STXBP4: variants seen among roughly 807,000 people sequenced by gnomAD.
The protein encoded by STXBP4 is syntaxin-binding protein 4.
In STXBP4, 55 loss-of-function variants were observed where a neutral mutation model predicts 76.1. That is an observed-to-expected ratio of 0.72 (90% CI 0.58 to 0.91). STXBP4 has a LOEUF of 0.91. STXBP4 is among the 40% of genes least tolerant of loss of function. The pLI is 0.00. For missense variants in STXBP4, 618 were observed against 636.9 expected, an observed-to-expected ratio of 0.97 and a Z score of 0.32; for synonymous variants, 201 against 220.2, an observed-to-expected ratio of 0.91 and a Z score of 0.77.
chr17:54,991,429 C>T (rs538874177), intron 4 of STXBP4: 5 of 152,184 alleles, frequency 3.3e-5, no homozygotes, highest in African/African-American at 1.2e-4. Context: ...TCATTAAAAC[C>T]AGAAAATGTC....
the STXBP4 span, among the ~76,000 whole-genome samples, chr17:55,206,733 T>C: frequency 6.6e-6 from 1 of 151,850 alleles, no homozygotes; most frequent in Non-Finnish European, 1.5e-5. Context: ...GGTGGGTGAC[T>C]GTAGTCCCAG....
At chr17:55,040,525 G>A (rs562992923) in intron 10 of STXBP4, among the ~76,000 whole-genome samples, 82 of 152,218 alleles carry the variant, frequency 5.4e-4, no homozygotes, top group African/African-American at 6.7e-4. Flanking sequence ...TGAGATTAGG[G>A]AATATGGCCA....
intron 13 of STXBP4, among the ~76,000 whole-genome samples, chr17:55,075,324 C>T (rs915663700): frequency 6.6e-6 from 1 of 152,082 alleles, no homozygotes; most frequent in Non-Finnish European, 1.5e-5. Context: ...CTTCACTCGA[C>T]ATTTTGTTTT....
intron 16 of STXBP4, among the ~76,000 whole-genome samples, chr17:55,094,493 A>G (rs2079458318): frequency 6.6e-6 from 1 of 152,188 alleles, no homozygotes; most frequent in South Asian, 2.1e-4. Context: ...AACAGCTAAC[A>G]AATATTTATT....
intron 16 of STXBP4, among the ~76,000 whole-genome samples, chr17:55,101,618 G>A (rs897401680): frequency 6.6e-6 from 1 of 152,052 alleles, no homozygotes; most frequent in Non-Finnish European, 1.5e-5. Context: ...TAAGAAAGAG[G>A]GAAATTCACC....
chr17:55,095,972 A>G (rs1284392111), intron 16 of STXBP4, among the ~76,000 whole-genome samples: 1 of 152,144 alleles, frequency 6.6e-6, no homozygotes, highest in Non-Finnish European at 1.5e-5. Context: ...ATGAAATAGC[A>G]TGGTGTGTTA....
chr17:55,116,759 A>G (rs1438305533), intron 16 of STXBP4, among the ~76,000 whole-genome samples: 3 of 151,796 alleles, frequency 2.0e-5, no homozygotes, highest in African/African-American at 7.2e-5. Flanking sequence ...GAAGCCAAAA[A>G]AACTTTGGGC....
chr17:55,064,846 T>C (rs2144837594), intron 12 of STXBP4, among the ~76,000 whole-genome samples: 1 of 152,308 alleles, frequency 6.6e-6, no homozygotes, highest in African/African-American at 2.4e-5. Flanking sequence ...GTCTTTATGA[T>C]TTTTCGTTTT....
At chr17:55,146,894 G>A (rs2080163062) in intron 17 of STXBP4, among the ~76,000 whole-genome samples, 2 of 152,106 alleles carry the variant, frequency 1.3e-5, no homozygotes, top group South Asian at 4.1e-4. Context: ...GGACAGAGAG[G>A]GAGAAAGACA....
In STXBP4 at chr17:55,163,280, G is replaced by A. The variant is rs59318978; in HGVS notation, c.*3369G>A. On this transcript the variant is annotated 3_prime_UTR_variant, in exon 18 of 18. Transcript: ENST00000376352. ...CCTTCCACCAAGTCCAAGAACCTGAGATTTTTAATCATTAGGTTTTAGATT... is the reference window on the plus strand; with the variant it reads ...CCTTCCACCAAGTCCAAGAACCTGAAATTTTTAATCATTAGGTTTTAGATT... 6.7e-6 allele frequency: 1 copy of A among 148,930 alleles called. No individual in the cohort carries two copies. The highest frequency in any genetic ancestry group is 1.5e-5 in the Non-Finnish European group (1 of 67,656). The allele number at this position is 148,930 out of a possible 1,614,324, so 9.2% of individuals were successfully genotyped here.
intron 12 of STXBP4, among the ~76,000 whole-genome samples, chr17:55,065,572 T>C (rs1158314936): frequency 2.0e-5 from 3 of 152,078 alleles, no homozygotes; most frequent in Non-Finnish European, 4.4e-5. Flanking sequence ...TTTCCAATAC[T>C]ATAAATTTTC....
chr17:55,088,950 G>C (rs1347212310), intron 16 of STXBP4, among the ~76,000 whole-genome samples: 1 of 152,182 alleles, frequency 6.6e-6, no homozygotes. Context: ...CTGGAAGGAA[G>C]CAGCAGTTTG....
chr17:55,047,185 CGT>C (rs34336794), intron 12 of STXBP4, 31 bp downstream of exon 12: 54,758 of 792,598 alleles, frequency 0.069, 826 homozygotes, highest in African/African-American at 0.18. Context: ...TATATGTGCT[CGT>C]GTGTGTGTGT....
At chr17:54,987,926 A>G (rs1176800071) in intron 3 of STXBP4, among the ~76,000 whole-genome samples, 2 of 152,164 alleles carry the variant, frequency 1.3e-5, no homozygotes, top group Non-Finnish European at 1.5e-5. Flanking sequence ...CTGCAGTTTT[A>G]ACTTGTAATT....
chr17:55,204,469 T>G, the STXBP4 span, among the ~76,000 whole-genome samples: 1 of 152,126 alleles, frequency 6.6e-6, no homozygotes, highest in Admixed American at 6.6e-5. Context: ...GCCTGCCAGG[T>G]TTTAAAAATT....
rs568135154 is a variant in STXBP4, at chr17:55,146,978, G to A, written c.1547+5611G>A. On this transcript the variant is annotated intron_variant, in intron 17 of 17. Transcript: ENST00000376352. ...CACTTCTGCTATGTGACCAACCCTGGTTCAGTGTAAGAGGCGCCTACCTAA... is the reference window on the plus strand; with the variant it reads ...CACTTCTGCTATGTGACCAACCCTGATTCAGTGTAAGAGGCGCCTACCTAA... Among the ~76,000 whole-genome samples the A allele has an allele frequency of 5.7e-4, 87 of 152,320 alleles. 2 individuals are homozygous for A. In the South Asian group the frequency reaches 0.015, roughly 25 times the overall value.
At chr17:55,157,751 A>G (rs2080296166) in intron 17 of STXBP4, among the ~76,000 whole-genome samples, 1 of 152,220 alleles carries the variant, frequency 6.6e-6, no homozygotes, top group Non-Finnish European at 1.5e-5. Flanking sequence ...AATGTATACT[A>G]TAGGATTGAA....
chr17:54,971,872 C>G (rs1423057936), intron 1 of STXBP4, among the ~76,000 whole-genome samples: 1 of 152,002 alleles, frequency 6.6e-6, no homozygotes, highest in Non-Finnish European at 1.5e-5. Flanking sequence ...CTTAGGTGGT[C>G]TTGGTCTCCC....
intron 12 of STXBP4, among the ~76,000 whole-genome samples, chr17:55,071,314 A>G (rs538733905): frequency 2.0e-5 from 3 of 152,104 alleles, no homozygotes; most frequent in East Asian, 1.9e-4. Context: ...CTCCATCCCT[A>G]TATTCACTCT....
Sources: allele counts gnomAD v4.1 joint callset (sites outside exome capture counted in the v4.1 genomes callset), GRCh38; gene constraint gnomAD v4.1.1; transcripts MANE v1.5; gene names NCBI Gene and HGNC (gene_info 2026-07-23, HGNC 2026-07-21).